SLC4A7: variants seen among roughly 807,000 people sequenced by gnomAD.
SLC4A7 encodes solute carrier family 4 member 7.
In SLC4A7, 51 loss-of-function variants were observed where a neutral mutation model predicts 137.6. That is an observed-to-expected ratio of 0.37 (90% CI 0.30 to 0.47). The LOEUF is 0.47. SLC4A7 is among the 20% of genes least tolerant of loss of function. The probability of loss-of-function intolerance (pLI) is 1.00; values close to 1 mark genes in which losing one functional copy is unlikely to be tolerated. For synonymous variants in SLC4A7, 542 were observed against 518.6 expected (o/e 1.05, Z -0.61); for missense variants, 1,247 against 1,525.4 (o/e 0.82, Z 3.04).
chr3:27,431,066 C>A (rs891530070), intron 7 of SLC4A7, among the ~76,000 whole-genome samples: 24 of 152,116 alleles, frequency 1.6e-4, no homozygotes, highest in African/African-American at 5.5e-4. Context: ...GTTCTTGCCA[C>A]TGAAAGTAAT....
chr3:27,396,287 T>TA (rs1428886930), intron 18 of SLC4A7, among the ~76,000 whole-genome samples: 3 of 152,166 alleles, frequency 2.0e-5, no homozygotes, highest in Non-Finnish European at 2.9e-5. Flanking sequence ...CATTTACTCT[T>TA]AAGAGTTCCT....
chr3:27,456,775 C>CT, intron 1 of SLC4A7: 1 of 1,557,540 alleles, frequency 6.4e-7, no homozygotes, highest in East Asian at 2.3e-5. Context: ...ATTTAGGTCA[C>CT]TGTGCTTTGC....
Position 27,397,732 on chromosome 3 carries a change from G to A in SLC4A7, c.2655C>T (p.Tyr885=). 3 of 1,608,804 alleles carry A rather than the reference G, an allele frequency of 1.9e-6. No homozygotes were observed. Among genetic ancestry groups the A allele is most frequent in the Non-Finnish European group, 2.5e-6 (3 of 1,177,032 alleles). The change falls in exon 18 of 26, where the codon TAC becomes TAT. Residue 885 remains tyrosine, a synonymous_variant. Transcript: ENST00000454389. The part of the protein sequence containing the change: ...LTIVIMVTID[Y]LVGVPSPKLH... ...GTTTAGGAGATGGAACTCCTACAAG[G>A]TAGTCAATTGTAACCATTATTACTA...
Position 27,484,203 on chromosome 3 carries a change from G to T in SLC4A7, c.-77C>A. On this transcript the variant is annotated 5_prime_UTR_variant, in exon 1 of 26. Coordinates refer to ENST00000454389, the MANE Select transcript of SLC4A7 (RefSeq NM_001321103.2). ...GCCTGCTTCTGCCGCTGCCCCTGCC[G>T]CCGCCGCCGAGCCCCCGGCGCGCGA... is the stretch of plus-strand genomic sequence containing the variant. The T allele has an allele frequency of 8.6e-7, 1 of 1,157,078 alleles. No individual in the cohort carries two copies. The highest frequency in any genetic ancestry group is 1.1e-6 in the Non-Finnish European group (1 of 919,868). The allele number at this position is 1,157,078 out of a possible 1,614,324, so 71.7% of individuals were successfully genotyped here. A position where few individuals can be genotyped will look rare whatever the true frequency, so the allele number is the denominator to read the frequency against.
intron 11 of SLC4A7, among the ~76,000 whole-genome samples, chr3:27,413,108 CAT>C (rs1314145620): frequency 6.6e-6 from 1 of 152,092 alleles, no homozygotes; most frequent in Non-Finnish European, 1.5e-5. Flanking sequence ...GCAATAATTT[CAT>C]AGTGAGCACA....
At chr3:27,412,106 C>T (rs912438238) in intron 11 of SLC4A7, among the ~76,000 whole-genome samples, 3 of 152,162 alleles carry the variant, frequency 2.0e-5, no homozygotes, top group Admixed American at 6.5e-5. Context: ...TTTAAAAATA[C>T]TGCTCCTATT....
chr3:27,396,930 G>A (rs2052232314), intron 18 of SLC4A7, among the ~76,000 whole-genome samples: 1 of 152,114 alleles, frequency 6.6e-6, no homozygotes, highest in Non-Finnish European at 1.5e-5. Flanking sequence ...TTATGCTACT[G>A]GAAATTGTTA....
At chr3:27,443,863 T>G (rs942829762) in intron 3 of SLC4A7, among the ~76,000 whole-genome samples, 1 of 152,266 alleles carries the variant, frequency 6.6e-6, no homozygotes, top group Admixed American at 6.5e-5. Context: ...CCCATGATTA[T>G]TGAGAAGTAT....
intron 9 of SLC4A7, 124 bp downstream of exon 9, chr3:27,421,498 A>G: frequency 1.2e-6 from 1 of 835,612 alleles, no homozygotes. Context: ...TGTCTCAAAA[A>G]TAAGATAAAA....
intron 15 of SLC4A7, among the ~76,000 whole-genome samples, chr3:27,401,567 T>C (rs989448665): frequency 3.3e-5 from 5 of 152,160 alleles, no homozygotes; most frequent in Non-Finnish European, 7.3e-5. Context: ...TTGGAGTCCA[T>C]CCAGGCGCTT....
intron 1 of SLC4A7, among the ~76,000 whole-genome samples, chr3:27,474,635 C>T (rs547839090): frequency 1.3e-4 from 20 of 151,832 alleles, no homozygotes; most frequent in African/African-American, 2.4e-4. Flanking sequence ...CACTTGAACC[C>T]GGGAGGCAAA....
chr3:27,456,801 T>C, intron 1 of SLC4A7: 1 of 1,479,914 alleles, frequency 6.8e-7, no homozygotes, highest in Non-Finnish European at 8.9e-7. Context: ...TGAATTCTTC[T>C]AAGTTACTTT....
At chr3:27,400,572 T>C (rs1189774827) in intron 16 of SLC4A7, among the ~76,000 whole-genome samples, 192 bp downstream of exon 16, 2 of 152,208 alleles carry the variant, frequency 1.3e-5, no homozygotes, top group Non-Finnish European at 2.9e-5. Flanking sequence ...GCCAGTTTCA[T>C]TCTTTTCAGC....
At chr3:27,448,216 CAAAA>C (rs34846975) in intron 3 of SLC4A7, among the ~76,000 whole-genome samples, 2 of 104,374 alleles carry the variant, frequency 1.9e-5, no homozygotes, top group East Asian at 7.1e-4. Context: ...GACTCCATCT[CAAAA>C]AAAAAAAAAA....
chr3:27,473,941 A>G (rs2059360803), intron 1 of SLC4A7, among the ~76,000 whole-genome samples: 1 of 152,150 alleles, frequency 6.6e-6, no homozygotes, highest in Admixed American at 6.5e-5. Flanking sequence ...TTACAGAAAA[A>G]ATATATAAAT....
At chr3:27,382,205 T>C (rs1166377141) in intron 24 of SLC4A7, among the ~76,000 whole-genome samples, 1 of 152,122 alleles carries the variant, frequency 6.6e-6, no homozygotes, top group Non-Finnish European at 1.5e-5. Context: ...CTGCAATCTC[T>C]GCCTCCTGGG....
rs180771473 is a variant in SLC4A7 at position 27,444,028 on chromosome 3, G to A, written c.289+4623C>T. On this transcript the variant is annotated intron_variant, in intron 3 of 25. Coordinates refer to ENST00000454389, the MANE Select transcript of SLC4A7 (RefSeq NM_001321103.2). ...CTTGGTAAATATTCCATTTGCACTC[G>A]TAGAGAACGTATTCTGCTGTCCTTG... is the stretch of plus-strand genomic sequence containing the variant. Among the ~76,000 whole-genome samples the A allele has an allele frequency of 5.3e-5, 8 of 152,230 alleles. No individual in the cohort carries two copies. In the East Asian group the frequency reaches 1.4e-3, roughly 26 times the overall value.
At chr3:27,477,318 C>T (rs2059501590) in intron 1 of SLC4A7, among the ~76,000 whole-genome samples, 1 of 152,170 alleles carries the variant, frequency 6.6e-6, no homozygotes. Context: ...TAGAGAAAGC[C>T]TGCTCTGAAC....
chr3:27,390,098 C>A lies in SLC4A7; in HGVS notation c.3193G>T (p.Asp1065Tyr). 6.4e-7 allele frequency: 1 copy of A among 1,574,140 alleles called. No homozygotes were observed. Among genetic ancestry groups the A allele is most frequent in the South Asian group, 1.1e-5 (1 of 88,220 alleles). The change falls in exon 22 of 26, where the codon GAC becomes TAC. Residue 1065 changes from aspartate (D) to tyrosine (Y), a missense_variant. Coordinates refer to ENST00000454389, the MANE Select transcript of SLC4A7 (RefSeq NM_001321103.2). ...GGCATTCCAAATAATTTTATACGGT[C>A]AAATAACTACATATAGAATAAAAAA... The part of the protein sequence containing the change: ...VSSLKGIQLF[D>Y]RIKLFGMPAK...
Sources: allele counts gnomAD v4.1 joint callset (sites outside exome capture counted in the v4.1 genomes callset), GRCh38; gene constraint gnomAD v4.1.1; transcripts MANE v1.5; gene names NCBI Gene and HGNC (gene_info 2026-07-23, HGNC 2026-07-21).